DLG2: variants seen among roughly 807,000 people sequenced by gnomAD.
The protein encoded by DLG2 is discs large MAGUK scaffold protein 2.
Under a neutral mutation model 132.5 loss-of-function variants are expected in DLG2, and 45 were observed. The ratio of observed to expected loss-of-function variants is 0.34; its 90% CI spans 0.27 to 0.44. The LOEUF is 0.44. Ranked by LOEUF, DLG2 falls within the 20% of genes least tolerant of loss-of-function variation. The pLI, the probability that DLG2 is intolerant of heterozygous loss-of-function variation, is 1.00. For synonymous variants in DLG2, 424 were observed against 419.6 expected (o/e 1.01, Z -0.13); for missense variants, 1,045 against 1,196.9 (o/e 0.87, Z 1.87).
intron 21 of DLG2, among the ~76,000 whole-genome samples, chr11:83,510,409 G>C (rs939195302): frequency 6.6e-6 from 1 of 152,084 alleles, no homozygotes; most frequent in Non-Finnish European, 1.5e-5. Flanking sequence ...AACAAATCAA[G>C]TGCAATAATA....
At chr11:84,351,648 C>T (rs1191235876) in intron 7 of DLG2, among the ~76,000 whole-genome samples, 1 of 152,042 alleles carries the variant, frequency 6.6e-6, no homozygotes, top group Non-Finnish European at 1.5e-5. Flanking sequence ...AAGTCTGGTC[C>T]CTTTATTGTC....
At chr11:85,217,166 A>T (rs1565172492) in intron 4 of DLG2, among the ~76,000 whole-genome samples, 1 of 152,120 alleles carries the variant, frequency 6.6e-6, no homozygotes, top group Non-Finnish European at 1.5e-5. Context: ...TAAAATTATA[A>T]TTTTTTTAAA....
At chr11:83,971,905 G>C (rs1171483372) in intron 12 of DLG2, among the ~76,000 whole-genome samples, 1 of 152,070 alleles carries the variant, frequency 6.6e-6, no homozygotes, top group African/African-American at 2.4e-5. Flanking sequence ...GTTAGTAATG[G>C]TTATCTTTGG....
chr11:84,752,889 G>A (rs2066353855), intron 6 of DLG2, among the ~76,000 whole-genome samples: 1 of 151,230 alleles, frequency 6.6e-6, no homozygotes, highest in African/African-American at 2.4e-5. Context: ...CCCTACAAAG[G>A]ACCTGAACTC....
chr11:83,715,309 T>G (rs1356821719), intron 18 of DLG2, among the ~76,000 whole-genome samples: 2 of 152,244 alleles, frequency 1.3e-5, no homozygotes, highest in Non-Finnish European at 2.9e-5. Flanking sequence ...TAGATTGCAC[T>G]GTGAATAATT....
chr11:84,167,431 C>CT (rs11424752), intron 8 of DLG2, among the ~76,000 whole-genome samples: 4,918 of 151,954 alleles, frequency 0.032, 242 homozygotes, highest in African/African-American at 0.11. Flanking sequence ...ATTTTATGGC[C>CT]TTTTTTCTAC....
At chr11:84,257,325 C>T (rs2097489175) in intron 7 of DLG2, among the ~76,000 whole-genome samples, 1 of 152,142 alleles carries the variant, frequency 6.6e-6, no homozygotes, top group Non-Finnish European at 1.5e-5. Flanking sequence ...GGACCCTACT[C>T]CTATTTGGAG....
At chr11:84,586,142 T>G (rs1411833416) in intron 6 of DLG2, among the ~76,000 whole-genome samples, 1 of 109,968 alleles carries the variant, frequency 9.1e-6, no homozygotes. Context: ...CAGAGTGAGA[T>G]TCTGACTCAA....
intron 18 of DLG2, among the ~76,000 whole-genome samples, chr11:83,671,920 C>A (rs1031777986): frequency 6.6e-6 from 1 of 152,196 alleles, no homozygotes; most frequent in Non-Finnish European, 1.5e-5. Flanking sequence ...TTGAAATACA[C>A]AAATGTTCAT....
rs542467998 is a variant in DLG2, at chr11:84,864,405, C to T, written c.357+247256G>A. Among the ~76,000 whole-genome samples, 10 of 152,214 alleles carry T rather than the reference C, an allele frequency of 6.6e-5. No homozygotes were observed. In the South Asian group the frequency reaches 1.9e-3, roughly 28 times the overall value. ...TCTATGGATTAGCCTGGATCAATTTCCTCATTCTTCCTGTTAATGTTCTTC... is the reference window on the plus strand; with the variant it reads ...TCTATGGATTAGCCTGGATCAATTTTCTCATTCTTCCTGTTAATGTTCTTC... On this transcript the variant is annotated intron_variant, in intron 6 of 27. Transcript: ENST00000376104.
chr11:84,912,213 G>T (rs1259028125), intron 6 of DLG2, among the ~76,000 whole-genome samples: 1 of 152,110 alleles, frequency 6.6e-6, no homozygotes, highest in Non-Finnish European at 1.5e-5. Context: ...ACAGCGGCGC[G>T]ATCTCGATCT....
At position 84,163,486 on chromosome 11, in the gene DLG2, T is replaced by G; in HGVS notation, c.599A>C (p.Glu200Ala). The G allele has an allele frequency of 6.2e-7, 1 of 1,607,220 alleles. No individual in the cohort carries two copies. The highest frequency in any genetic ancestry group is 8.5e-7 in the Non-Finnish European group (1 of 1,177,562). ...PYVNGTEIEY[E>A]FEEITLERGN... is the part of the protein sequence containing the mutation. ...CCTCTCCAGTGTAATTTCTTCAAAT[T>G]CATATTCAATTTCTGTCCCATTGAC... Residue 200 changes from glutamate to alanine, a missense_variant, in exon 9 of 28, where the codon GAA (glutamate) becomes GCA (alanine). Physicochemically the swap from Glu to Ala is moderately radical, Grantham distance 107 (BLOSUM62 -1). Transcript: ENST00000376104.
At chr11:85,580,237 ATTTC>A (rs751688733) in intron 3 of DLG2, among the ~76,000 whole-genome samples, 2 of 152,162 alleles carry the variant, frequency 1.3e-5, no homozygotes, top group Non-Finnish European at 2.9e-5. Flanking sequence ...AGTCTCAGGT[ATTTC>A]TTTATCAGCA....
rs370922701 is a variant in DLG2 at position 85,502,028 on chromosome 11, C to T, written c.40+96629G>A. Among the ~76,000 whole-genome samples the T allele has an allele frequency of 9.8e-3, 1,486 of 152,102 alleles. 33 individuals carry two copies. Among genetic ancestry groups the T allele is most frequent in the African/African-American group, 0.034 (1,425 of 41,470 alleles). ...GACTTGGAACCAACCGCAATGTCCA[C>T]CAATGATAGACTGGATTAAGAAAAT... On this transcript the variant is annotated intron_variant, in intron 3 of 27. Coordinates refer to ENST00000376104, the MANE Select transcript of DLG2 (RefSeq NM_001142699.3).
At chr11:84,875,638 C>A (rs1455656601) in intron 6 of DLG2, among the ~76,000 whole-genome samples, 1 of 152,144 alleles carries the variant, frequency 6.6e-6, no homozygotes, top group Admixed American at 6.5e-5. Context: ...CTATCATCAT[C>A]AATCAAGAAG....
At chr11:84,696,527 G>A (rs2058629738) in intron 6 of DLG2, among the ~76,000 whole-genome samples, 1 of 151,394 alleles carries the variant, frequency 6.6e-6, no homozygotes. Flanking sequence ...AGTTCGAAAG[G>A]TGAGCAGTAT....
At chr11:83,567,866 T>C (rs1016190108) in intron 19 of DLG2, among the ~76,000 whole-genome samples, 6 of 151,844 alleles carry the variant, frequency 4.0e-5, no homozygotes, top group Admixed American at 6.6e-5. Context: ...TACAAAGCAA[T>C]AGATTTGAGA....
At chr11:84,689,993 G>A (rs2057829643) in intron 6 of DLG2, among the ~76,000 whole-genome samples, 2 of 151,956 alleles carry the variant, frequency 1.3e-5, no homozygotes, top group South Asian at 4.1e-4. Flanking sequence ...ATTATGCTAA[G>A]TAAAATAACC....
At chr11:84,469,463 CA>C (rs1286137617) in intron 7 of DLG2, among the ~76,000 whole-genome samples, 2 of 151,510 alleles carry the variant, frequency 1.3e-5, no homozygotes, top group African/African-American at 2.4e-5. Flanking sequence ...AAAGCCTCAG[CA>C]AAAAGTAAGA....
Sources: allele counts gnomAD v4.1 joint callset (sites outside exome capture counted in the v4.1 genomes callset), GRCh38; gene constraint gnomAD v4.1.1; transcripts MANE v1.5; gene names NCBI Gene and HGNC (gene_info 2026-07-23, HGNC 2026-07-21).